The following PLD5 variants were observed in gnomAD, a reference collection of about 807,000 sequenced individuals.
The protein encoded by PLD5 is inactive phospholipase D5.
Under a neutral mutation model 61.1 loss-of-function variants are expected in PLD5, and 36 were observed. The ratio of observed to expected loss-of-function variants is 0.59; its 90% CI spans 0.45 to 0.78. The LOEUF is 0.78. PLD5 is among the 30% of genes least tolerant of loss of function. The pLI, the probability that PLD5 is intolerant of heterozygous loss-of-function variation, is 0.00. For missense variants in PLD5, 515 were observed against 644.4 expected, an observed-to-expected ratio of 0.80 and a Z score of 2.17; for synonymous variants, 243 against 242.8, an observed-to-expected ratio of 1.00 and a Z score of -0.01.
chr1:242,524,041 A>G lies in PLD5; in HGVS notation c.189+47T>C, dbSNP rs915582689. 6 of 1,509,764 alleles carry G rather than the reference A, an allele frequency of 4.0e-6. No individual in the cohort carries two copies. The African/African-American group carries it at 7.0e-5, about 18-fold the overall frequency. The allele number at this position is 1,509,764 out of a possible 1,614,324, so 93.5% of individuals were successfully genotyped here. ...CATGCCACCACCACGGGGAGGGTGCATGCGGCAGGTGCCTGGCCGAGGCCC... is the reference window on the plus strand; with the variant it reads ...CATGCCACCACCACGGGGAGGGTGCGTGCGGCAGGTGCCTGGCCGAGGCCC... On this transcript the variant is annotated intron_variant, in intron 1 of 9. Transcript: ENST00000536534.
intron 5 of PLD5, among the ~76,000 whole-genome samples, chr1:242,183,857 T>C (rs1667693025): frequency 6.6e-6 from 1 of 152,174 alleles, no homozygotes; most frequent in Admixed American, 6.5e-5. Flanking sequence ...ATCGCGCCAC[T>C]GCACTCCAGC....
intron 4 of PLD5, among the ~76,000 whole-genome samples, chr1:242,260,156 G>A (rs1479093942): frequency 3.3e-5 from 5 of 152,060 alleles, no homozygotes; most frequent in Admixed American, 6.6e-5. Context: ...AGACCAGCCT[G>A]GTCAATATGG....
intron 1 of PLD5, among the ~76,000 whole-genome samples, chr1:242,490,127 T>C (rs1668096677): frequency 6.6e-6 from 1 of 152,234 alleles, no homozygotes; most frequent in Non-Finnish European, 1.5e-5. Context: ...TGAGTTCTGA[T>C]GCCTCAATGC....
chr1:242,156,829 T>A (rs1665411113), intron 5 of PLD5, among the ~76,000 whole-genome samples: 1 of 152,130 alleles, frequency 6.6e-6, no homozygotes, highest in Non-Finnish European at 1.5e-5. Flanking sequence ...CAATTATGTG[T>A]CTTGTGTTTG....
At chr1:242,388,134 G>A (rs527745795) in intron 1 of PLD5, among the ~76,000 whole-genome samples, 9 of 152,294 alleles carry the variant, frequency 5.9e-5, no homozygotes, top group East Asian at 1.9e-4. Context: ...CTGGGTTGTC[G>A]TCTTCTCCTT....
At chr1:242,091,332 T>A (rs1659806215) in intron 9 of PLD5, among the ~76,000 whole-genome samples, 1 of 152,204 alleles carries the variant, frequency 6.6e-6, no homozygotes, top group Admixed American at 6.5e-5. Flanking sequence ...TAATCATGTG[T>A]ATGCCACTCC....
At chr1:242,410,405 A>G (rs1664483487) in intron 1 of PLD5, among the ~76,000 whole-genome samples, 1 of 88,700 alleles carries the variant, frequency 1.1e-5, no homozygotes. Flanking sequence ...CCTGTAATAT[A>G]ATGCCATTTT....
At chr1:242,098,445 T>C (rs1241100396) in intron 9 of PLD5, among the ~76,000 whole-genome samples, 10 of 152,220 alleles carry the variant, frequency 6.6e-5, no homozygotes, top group Admixed American at 6.5e-4. Context: ...TCGGTTATTG[T>C]AGTTAGCCAT....
intron 6 of PLD5, among the ~76,000 whole-genome samples, chr1:242,122,064 A>G (rs1436675161): frequency 1.3e-5 from 2 of 152,208 alleles, no homozygotes; most frequent in East Asian, 1.9e-4. Flanking sequence ...CGTTGTGCAC[A>G]TGTATCCTAG....
Position 242,084,175 on chromosome 1 carries a change from C to T in PLD5, c.*5679G>A, listed in dbSNP as rs535051645. On this transcript the variant is annotated 3_prime_UTR_variant, in exon 10 of 10. Coordinates refer to ENST00000536534, the MANE Select transcript of PLD5 (RefSeq NM_001372062.1). ...ACATGACTGTCATCGCACTGTTAGC[C>T]CATTTTTTTAAAAAAAAACACGAAA... is the stretch of plus-strand genomic sequence containing the variant. 6.6e-6 allele frequency: 1 copy of T among 152,046 alleles called. No individual in the cohort carries two copies. Among genetic ancestry groups the T allele is most frequent in the East Asian group, 1.9e-4 (1 of 5,168 alleles). The allele number at this position is 152,046 out of a possible 1,614,324, so 9.4% of individuals were successfully genotyped here.
intron 4 of PLD5, among the ~76,000 whole-genome samples, chr1:242,233,699 G>T (rs1387302870): frequency 6.6e-6 from 1 of 152,118 alleles, no homozygotes; most frequent in Non-Finnish European, 1.5e-5. Context: ...GTAGCATAGT[G>T]CTGGCCATGT....
intron 1 of PLD5, among the ~76,000 whole-genome samples, chr1:242,398,753 A>C (rs927091560): frequency 6.6e-6 from 1 of 152,236 alleles, no homozygotes; most frequent in African/African-American, 2.4e-5. Flanking sequence ...GAAAATATGC[A>C]AAAGCCTTTT....
At position 242,364,454 on chromosome 1, in the gene PLD5, C is replaced by T. The variant is rs572352331; in HGVS notation, c.190-16212G>A. Among the ~76,000 whole-genome samples, 6 of 152,314 alleles carry T rather than the reference C, an allele frequency of 3.9e-5. No individual in the cohort carries two copies. In the East Asian group the frequency reaches 1.2e-3, roughly 29 times the overall value. ...TTAGAAAGCCAGGAGCAGTGGCTCA[C>T]ATCTGTAATCCCAGCACTTTGGGAG... On this transcript the variant is annotated intron_variant, in intron 1 of 9. Transcript: ENST00000536534.
chr1:242,203,892 A>C (rs1304977603), intron 5 of PLD5: 2 of 152,158 alleles, frequency 1.3e-5, no homozygotes, highest in African/African-American at 2.4e-5. Context: ...TTCTTTTTGC[A>C]ATCATAGGTC....
chr1:242,184,882 G>C (rs72761276), intron 5 of PLD5, among the ~76,000 whole-genome samples: 38,436 of 152,096 alleles, frequency 0.25, 5,423 homozygotes, highest in Non-Finnish European at 0.32. Flanking sequence ...TGAGGTGCAG[G>C]GCAATCAACA....
intron 8 of PLD5, among the ~76,000 whole-genome samples, chr1:242,102,998 T>C (rs1359876534): frequency 6.6e-6 from 1 of 152,194 alleles, no homozygotes; most frequent in Non-Finnish European, 1.5e-5. Context: ...CCTAGAAGTT[T>C]TGACTGCAGG....
At chr1:242,132,513 C>T (rs1414350317) in intron 5 of PLD5, among the ~76,000 whole-genome samples, 3 of 152,198 alleles carry the variant, frequency 2.0e-5, no homozygotes, top group African/African-American at 7.2e-5. Flanking sequence ...CTGGGAGCAG[C>T]TCACATGCAT....
chr1:242,336,800 A>G (rs1659537538), intron 2 of PLD5, among the ~76,000 whole-genome samples: 1 of 152,138 alleles, frequency 6.6e-6, no homozygotes, highest in Non-Finnish European at 1.5e-5. Context: ...TAACTTGGAA[A>G]TATGGATGTA....
chr1:242,447,372 T>G (rs1198814212), intron 1 of PLD5, among the ~76,000 whole-genome samples: 3 of 152,198 alleles, frequency 2.0e-5, no homozygotes, highest in Non-Finnish European at 4.4e-5. Flanking sequence ...CTGATCACAT[T>G]TGCAATGATG....
Sources: allele counts gnomAD v4.1 joint callset (sites outside exome capture counted in the v4.1 genomes callset), GRCh38; gene constraint gnomAD v4.1.1; transcripts MANE v1.5; gene names NCBI Gene and HGNC (gene_info 2026-07-23, HGNC 2026-07-21).